The following FBN3 variants were observed in gnomAD, a reference collection of about 807,000 sequenced individuals.
FBN3 encodes fibrillin-3.
In FBN3, 234 loss-of-function variants were observed where a neutral mutation model predicts 330.1. That is an observed-to-expected ratio of 0.71 (90% CI 0.64 to 0.79). The LOEUF (loss-of-function observed/expected upper bound fraction) is 0.79, where lower values mean the gene tolerates loss of function less well. Among genes scored for constraint, FBN3 ranks in the 30% least tolerant of loss-of-function variants. The pLI is 0.00. For synonymous variants in FBN3, 1,458 were observed against 1,517.3 expected (o/e 0.96, Z 0.91); for missense variants, 3,606 against 3,886.9 (o/e 0.93, Z 1.92).
intron 61 of FBN3, chr19:8,074,860 C>A: frequency 1.8e-6 from 1 of 552,036 alleles, no homozygotes; most frequent in South Asian, 3.2e-5. Flanking sequence ...GGCCACCATG[C>A]CCTAAGGAAT....
At chr19:8,132,275 T>C (rs1200106888) in intron 14 of FBN3, among the ~76,000 whole-genome samples, 2 of 152,044 alleles carry the variant, frequency 1.3e-5, no homozygotes, top group African/African-American at 2.4e-5. Context: ...CTCAAACTCC[T>C]GAGCTCAAGT....
intron 63 of FBN3, 92 bp from the exon 64 acceptor site, chr19:8,066,352 T>C: frequency 2.2e-6 from 2 of 914,154 alleles, no homozygotes; most frequent in Non-Finnish European, 3.3e-6. Context: ...AAAGAGGAGA[T>C]TCTGGCCAAT....
Position 8,125,974 on chromosome 19 carries a change from C to T in FBN3, c.2649G>A (p.Gly883=), listed in dbSNP as rs995853227. ...CESFPGVCPN[G]RCVNTAGSFR... ...AAGACCCAGCAGTGTTGACGCAACGCCCGTTGGGACAGACTCCCGGGAAGG... is the reference window on the plus strand; with the variant it reads ...AAGACCCAGCAGTGTTGACGCAACGTCCGTTGGGACAGACTCCCGGGAAGG... The change falls in exon 22 of 64, where the codon GGG becomes GGA. Residue 883 remains glycine (G), a synonymous_variant. Transcript: ENST00000600128. 4 of 1,613,880 alleles carry T rather than the reference C, an allele frequency of 2.5e-6. No homozygotes were observed. The highest frequency in any genetic ancestry group is 3.4e-6 in the Non-Finnish European group (4 of 1,179,996).
At chr19:8,068,566 G>C (rs891633507) in intron 63 of FBN3, among the ~76,000 whole-genome samples, 1 of 151,772 alleles carries the variant, frequency 6.6e-6, no homozygotes, top group African/African-American at 2.4e-5. Context: ...CAGGTGTGGT[G>C]GTACATGTAC....
chr19:8,105,983 G>T, intron 38 of FBN3, 125 bp downstream of exon 38: 1 of 1,089,272 alleles, frequency 9.2e-7, no homozygotes, highest in Non-Finnish European at 1.3e-6. Context: ...TGACAAAAGA[G>T]GAGGCAGGGG....
intron 24 of FBN3, 50 bp downstream of exon 24, chr19:8,123,413 CT>C (rs1234970009): frequency 4.4e-6 from 7 of 1,592,790 alleles, no homozygotes; most frequent in Non-Finnish European, 6.0e-6. Context: ...TTTGAGGCCC[CT>C]ATCCCTGCCA....
chr19:8,090,696 C>T (rs971259693), intron 48 of FBN3, among the ~76,000 whole-genome samples: 6 of 151,914 alleles, frequency 3.9e-5, no homozygotes, highest in African/African-American at 1.5e-4. Context: ...ATTGGCTAGG[C>T]TGGTCTCAAA....
chr19:8,066,378 A>C, intron 63 of FBN3, 118 bp from the exon 64 acceptor site: 1 of 752,296 alleles, frequency 1.3e-6, no homozygotes, highest in Non-Finnish European at 2.1e-6. Context: ...AAGTGAAGGA[A>C]AGAGCCATAA....
chr19:8,132,655 C>T (rs543862920), intron 14 of FBN3, among the ~76,000 whole-genome samples: 1 of 152,000 alleles, frequency 6.6e-6, no homozygotes, highest in South Asian at 2.1e-4. Flanking sequence ...CCATACCTGG[C>T]TAATTTTTGT....
chr19:8,117,073 C>T (rs532896922), intron 28 of FBN3, 96 bp downstream of exon 28: 48 of 1,534,354 alleles, frequency 3.1e-5, no homozygotes, highest in Admixed American at 2.2e-4. Context: ...GCTGGCTTCA[C>T]TATGCTGTGC....
chr19:8,083,808 T>TTCTTTTTTTC (rs1568367192), intron 56 of FBN3, among the ~76,000 whole-genome samples: 1 of 144,420 alleles, frequency 6.9e-6, no homozygotes. Context: ...ATTTTTTCTT[T>TTCTTTTTTTC]TTTTTTTTTT....
chr19:8,108,329 T>C, intron 36 of FBN3, 91 bp from the exon 37 acceptor site: 4 of 987,564 alleles, frequency 4.1e-6, no homozygotes, highest in Non-Finnish European at 6.1e-6. Flanking sequence ...TGAAAAGGGC[T>C]CAAGAGTGGG....
chr19:8,080,282 C>G lies in FBN3; in HGVS notation c.7453+721G>C, dbSNP rs187300715. On this transcript the variant is annotated intron_variant, in intron 59 of 63. Coordinates refer to ENST00000600128, the MANE Select transcript of FBN3 (RefSeq NM_032447.5). ...GAAAGGGGCCACCCTTGACTAGGCT[C>G]TGCCTTTGGGGAAGATTGTGTTCCC... Among the ~76,000 whole-genome samples, 251 of 152,342 alleles carry G rather than the reference C, an allele frequency of 1.6e-3. 1 individual carries two copies. The highest frequency in any genetic ancestry group is 3.2e-3 in the Non-Finnish European group (217 of 68,034).
Position 8,116,666 on chromosome 19 carries a change from C to T in FBN3, c.3712+8G>A. ...CACCCGCCCCGCCCCACCGTCCCGG[C>T]TCCTCACCAACACATGTCCTCATGT... is the stretch of plus-strand genomic sequence containing the variant. On this transcript the variant is annotated splice_region_variant and intron_variant, in intron 29 of 63. Transcript: ENST00000600128. 1 of 1,608,602 alleles carries T rather than the reference C, an allele frequency of 6.2e-7. No individual in the cohort carries two copies. The highest frequency in any genetic ancestry group is 8.5e-7 in the Non-Finnish European group (1 of 1,175,502).
At chr19:8,130,664 A>G (rs7258999) in intron 16 of FBN3, among the ~76,000 whole-genome samples, 2,865 of 20,972 alleles carry the variant, frequency 0.14, 402 homozygotes, top group Middle Eastern at 0.21. Flanking sequence ...GGAAAGGAAA[A>G]GAAAAGAAAA....
At chr19:8,106,021 T>C in intron 38 of FBN3, 87 bp downstream of exon 38, 1 of 1,525,616 alleles carries the variant, frequency 6.6e-7, no homozygotes, top group Non-Finnish European at 9.0e-7. Context: ...AGGCCTTCCC[T>C]CCTCTACCCT....
intron 30 of FBN3, among the ~76,000 whole-genome samples, chr19:8,114,816 A>G (rs2082671352): frequency 6.6e-6 from 1 of 151,286 alleles, no homozygotes; most frequent in Non-Finnish European, 1.5e-5. Context: ...ACCTCGGCTC[A>G]CTGCAAGCTT....
chr19:8,087,669 T>G (rs368687129), intron 53 of FBN3, among the ~76,000 whole-genome samples, 156 bp downstream of exon 53: 1 of 142,110 alleles, frequency 7.0e-6, no homozygotes, highest in Non-Finnish European at 1.5e-5. Context: ...TGCAGTGGCA[T>G]GATCTCGGCT....
chr19:8,088,639 A>C (rs1455969901), intron 51 of FBN3, among the ~76,000 whole-genome samples: 1 of 152,180 alleles, frequency 6.6e-6, no homozygotes, highest in African/African-American at 2.4e-5. Context: ...GAGTGAATGG[A>C]GAAATCAGCA....
Sources: allele counts gnomAD v4.1 joint callset (sites outside exome capture counted in the v4.1 genomes callset), GRCh38; gene constraint gnomAD v4.1.1; transcripts MANE v1.5; gene names NCBI Gene and HGNC (gene_info 2026-07-23, HGNC 2026-07-21).